Variants in RBFOX1 observed in about 807,000 individuals in gnomAD.
RBFOX1 encodes RNA binding fox-1 homolog 1, also known as RNA binding protein fox-1 homolog 1.
Under a neutral mutation model 57.7 loss-of-function variants are expected in RBFOX1, and 8 were observed. The observed-to-expected ratio is 0.14, with a 90% confidence interval of 0.08 to 0.25. The LOEUF (loss-of-function observed/expected upper bound fraction) is 0.25. RBFOX1 is among the 10% of genes least tolerant of loss of function. The pLI is 1.00. For missense variants in RBFOX1, 611 were observed against 548.5 expected (o/e 1.11, Z -1.14); for synonymous variants, 326 against 222.4 (o/e 1.47, Z -4.15).
chr16:5,968,523 T>C (rs2059897580), intron 4 of RBFOX1, among the ~76,000 whole-genome samples: 1 of 152,216 alleles, frequency 6.6e-6, no homozygotes, highest in Non-Finnish European at 1.5e-5. Context: ...TTAAATATTA[T>C]TATTTCCTTT....
intron 2 of RBFOX1, among the ~76,000 whole-genome samples, chr16:5,556,029 AAAC>A (rs1567226299): frequency 1.4e-5 from 2 of 138,344 alleles, no homozygotes; most frequent in African/African-American, 6.8e-5. Flanking sequence ...TCAAAAAAAC[AAAC>A]AAACAAACAA....
intron 2 of RBFOX1, among the ~76,000 whole-genome samples, chr16:6,378,119 A>G (rs2091403321): frequency 6.6e-6 from 1 of 152,210 alleles, no homozygotes; most frequent in Non-Finnish European, 1.5e-5. Context: ...TGGCTCATTT[A>G]TCAAGACCAG....
intron 3 of RBFOX1, among the ~76,000 whole-genome samples, chr16:5,706,547 T>C (rs1189295446): frequency 6.6e-6 from 1 of 152,216 alleles, no homozygotes; most frequent in Non-Finnish European, 1.5e-5. Flanking sequence ...CTCTGGGAGT[T>C]TGTTTTTAAA....
At position 5,908,197 on chromosome 16, in the gene RBFOX1, C is replaced by CATATACACACATATATATACAT. The variant is rs1567133822; in HGVS notation, c.351+40888_351+40909dup. Among the ~76,000 whole-genome samples, 17 of 110,542 alleles carry CATATACACACATATATATACAT rather than the reference C, an allele frequency of 1.5e-4. 2 individuals are homozygous for CATATACACACATATATATACAT. In the East Asian group the frequency reaches 3.6e-3, roughly 23 times the overall value. The allele number at this position is 110,542 out of a possible 152,430, so 72.5% of individuals were successfully genotyped here. On this transcript the variant is annotated intron_variant, in intron 4 of 19. Transcript: ENST00000641259. Reference sequence around the variant, plus strand: ...ATATACACATATATACACATATATACATATACACACATATATATACATATA... The same window carrying CATATACACACATATATATACAT: ...ATATACACATATATACACATATATACATATACACACATATATATACATATATACACACATATATATACATATA...
At chr16:6,982,452 A>C (rs5015419) in intron 3 of RBFOX1, among the ~76,000 whole-genome samples, 82,250 of 151,900 alleles carry the variant, frequency 0.54, 23,544 homozygotes, top group Non-Finnish European at 0.63. Context: ...CTTTCATTGC[A>C]GCGAGCTCCT....
chr16:5,776,726 C>G (rs80110229), intron 3 of RBFOX1, among the ~76,000 whole-genome samples: 5,556 of 152,258 alleles, frequency 0.036, 313 homozygotes, highest in African/African-American at 0.12. Context: ...CAGTCTGCCT[C>G]CAACACCCAC....
intron 4 of RBFOX1, among the ~76,000 whole-genome samples, chr16:7,239,414 G>T (rs930305308): frequency 6.6e-6 from 1 of 152,152 alleles, no homozygotes; most frequent in Non-Finnish European, 1.5e-5. Context: ...CACCAGAATT[G>T]CTTAAACCTG....
rs1168660196 is a variant in RBFOX1 at position 6,895,444 on chromosome 16, GTGTGTATATATATATATATATA to G, written c.-15-156611_-15-156590del. Among the ~76,000 whole-genome samples, 155 of 73,468 alleles carry G rather than the reference GTGTGTATATATATATATATATA, an allele frequency of 2.1e-3. 2 individuals are homozygous for G. The highest frequency in any genetic ancestry group is 8.6e-3 in the African/African-American group (140 of 16,200). The allele number at this position is 73,468 out of a possible 152,430, so 48.2% of individuals were successfully genotyped here. On this transcript the variant is annotated intron_variant, in intron 3 of 15. Transcript: ENST00000550418. ...TGTGTGTGTGTGTGTGTGTGTGTGTGTGTGTATATATATATATATATATATATATATATATATATATATTTAT... is the reference window on the plus strand; with the variant it reads ...TGTGTGTGTGTGTGTGTGTGTGTGTGTATATATATATATATATATATTTAT...
At chr16:6,444,522 G>T (rs1405586095) in intron 2 of RBFOX1, among the ~76,000 whole-genome samples, 1 of 152,100 alleles carries the variant, frequency 6.6e-6, no homozygotes, top group Non-Finnish European at 1.5e-5. Flanking sequence ...CCCTGCACAA[G>T]CTCTCTCTCT....
At chr16:5,274,581 A>C (rs1171912425) in intron 1 of RBFOX1, among the ~76,000 whole-genome samples, 2 of 152,176 alleles carry the variant, frequency 1.3e-5, no homozygotes, top group African/African-American at 4.8e-5. Context: ...AAAGCTTCCA[A>C]GTCTCTCTGC....
chr16:5,552,498 AACTT>A, intron 2 of RBFOX1, among the ~76,000 whole-genome samples: 1 of 152,338 alleles, frequency 6.6e-6, no homozygotes, highest in Non-Finnish European at 1.5e-5. Flanking sequence ...AAAGTTTAGT[AACTT>A]ACTTAAAACC....
intron 1 of RBFOX1, among the ~76,000 whole-genome samples, chr16:6,083,112 C>G (rs1426742360): frequency 6.6e-6 from 1 of 152,108 alleles, no homozygotes; most frequent in Non-Finnish European, 1.5e-5. Context: ...AGCGATTCTC[C>G]TGCCTCAGCG....
At chr16:5,510,833 C>T (rs980698844) in intron 2 of RBFOX1, among the ~76,000 whole-genome samples, 7 of 152,230 alleles carry the variant, frequency 4.6e-5, no homozygotes, top group African/African-American at 1.7e-4. Context: ...GCCCTCCACC[C>T]ATTAGATGCC....
At chr16:5,344,563 A>G (rs1021794523) in intron 1 of RBFOX1, among the ~76,000 whole-genome samples, 7 of 152,088 alleles carry the variant, frequency 4.6e-5, no homozygotes, top group African/African-American at 1.7e-4. Flanking sequence ...TACAGATTCC[A>G]TACCCAAAAG....
chr16:5,434,140 G>C (rs1360701929), intron 1 of RBFOX1, among the ~76,000 whole-genome samples: 2 of 152,096 alleles, frequency 1.3e-5, no homozygotes, highest in African/African-American at 4.8e-5. Flanking sequence ...GCCAGTCATA[G>C]CTGCGTTTTG....
chr16:5,838,452 A>G (rs564557956), intron 3 of RBFOX1: 2 of 155,930 alleles, frequency 1.3e-5, no homozygotes, highest in African/African-American at 4.8e-5. Flanking sequence ...GGTAAATACA[A>G]TCATATATCC....
chr16:5,858,384 C>G (rs1028540523), intron 3 of RBFOX1, among the ~76,000 whole-genome samples: 26 of 152,180 alleles, frequency 1.7e-4, no homozygotes, highest in African/African-American at 6.3e-4. Flanking sequence ...ACAGCTCAGA[C>G]TCCCTGTAAA....
chr16:7,550,847 G>A (rs1971678), intron 5 of RBFOX1, among the ~76,000 whole-genome samples: 16,637 of 151,940 alleles, frequency 0.11, 1,166 homozygotes, highest in East Asian at 0.33. Flanking sequence ...TAATCCGAAC[G>A]CTTTGAGAGG....
rs746421025 is a variant in RBFOX1 at position 7,579,898 on chromosome 16, C to T, written c.392C>T (p.Pro131Leu). Residue 131 changes from proline (P) to leucine (L), a missense_variant, in exon 6 of 16, where the codon CCG (proline) becomes CTG (leucine). Physicochemically the swap from Pro to Leu is moderately conservative, Grantham distance 98 (BLOSUM62 -3). Around this residue, in one of 3 missense-constraint regions of RBFOX1, gnomAD observed 99 missense variants for 160.3 expected, o/e 0.62. Transcript: ENST00000550418. The part of the protein sequence containing the change: ...VSNIPFRFRD[P>L]DLRQMFGQFG... Reference sequence around the variant, plus strand: ...AATATCCCCTTCAGGTTCCGGGATCCGGACCTCAGACAAATGTTTGGTGTA... The same window carrying T: ...AATATCCCCTTCAGGTTCCGGGATCTGGACCTCAGACAAATGTTTGGTGTA... 9 of 1,614,062 alleles carry T rather than the reference C, an allele frequency of 5.6e-6. No individual in the cohort carries two copies. Among genetic ancestry groups the T allele is most frequent in the South Asian group, 1.1e-5 (1 of 91,074 alleles).
Sources: allele counts gnomAD v4.1 joint callset (sites outside exome capture counted in the v4.1 genomes callset), GRCh38; gene constraint gnomAD v4.1.1; regional missense constraint gnomAD v4.1.1; transcripts MANE v1.5; gene names NCBI Gene and HGNC (gene_info 2026-07-23, HGNC 2026-07-21).